Variants in SELENOI observed in about 807,000 individuals in gnomAD.
SELENOI encodes selenoprotein I.
Under a neutral mutation model 50.7 loss-of-function variants are expected in SELENOI, and 24 were observed. The ratio of observed to expected loss-of-function variants is 0.47; its 90% confidence interval spans 0.34 to 0.67. The LOEUF (loss-of-function observed/expected upper bound fraction) is 0.67, where lower values mean the gene tolerates loss of function less well. Among genes scored for constraint, SELENOI ranks in the 30% least tolerant of loss-of-function variants. The pLI, the probability that SELENOI is intolerant of heterozygous loss-of-function variation, is 0.01. For missense variants in SELENOI, 352 were observed against 461.4 expected, an observed-to-expected ratio of 0.76 and a Z score of 2.17; for synonymous variants, 155 against 170.2, an observed-to-expected ratio of 0.91 and a Z score of 0.70.
Position 26,390,815 on chromosome 2 carries a change from C to T in SELENOI, c.*1712C>T, listed in dbSNP as rs1019100068. ...GTCAGAGAATTAACCAATTAAGTGA[C>T]GGTAACTATTTTTTGTATACCTTGT... is the stretch of plus-strand genomic sequence containing the variant. On this transcript the variant is annotated 3_prime_UTR_variant, in exon 10 of 10. Transcript: ENST00000260585. The T allele has an allele frequency of 3.9e-5, 6 of 152,102 alleles. No individual in the cohort carries two copies. The East Asian group carries it at 7.7e-4, about 20-fold the overall frequency. The allele number at this position is 152,102 out of a possible 1,614,324, so 9.4% of individuals were successfully genotyped here.
intron 4 of SELENOI, 58 bp downstream of exon 4, chr2:26,367,278 C>T (rs1677305806): frequency 1.5e-6 from 2 of 1,321,294 alleles, no homozygotes; most frequent in Non-Finnish European, 2.1e-6. Context: ...CAAGGATAGC[C>T]ACGTATTAAA....
chr2:26,383,072 C>T (rs1029283751), intron 6 of SELENOI, among the ~76,000 whole-genome samples: 1 of 152,194 alleles, frequency 6.6e-6, no homozygotes, highest in African/African-American at 2.4e-5. Context: ...CATGGTACAA[C>T]TGAAATTGAG....
At chr2:26,369,045 A>T (rs1677351146) in intron 4 of SELENOI, among the ~76,000 whole-genome samples, 1 of 152,150 alleles carries the variant, frequency 6.6e-6, no homozygotes, top group Admixed American at 6.5e-5. Context: ...CTTAATCTGA[A>T]TTTTTTCAGT....
At chr2:26,383,251 A>G (rs765254601) in intron 6 of SELENOI, 48 bp from the exon 7 acceptor site, 2 of 1,405,472 alleles carry the variant, frequency 1.4e-6, no homozygotes, top group East Asian at 2.5e-5. Context: ...TGGTAATGTA[A>G]TAATTGCTCT....
chr2:26,372,292 G>T (rs1429992879), intron 4 of SELENOI, among the ~76,000 whole-genome samples: 5 of 152,130 alleles, frequency 3.3e-5, no homozygotes, highest in African/African-American at 4.8e-5. Flanking sequence ...TGTATTTTTA[G>T]TAGAGACAGG....
chr2:26,363,587 T>C (rs1018978775), intron 1 of SELENOI, among the ~76,000 whole-genome samples: 1 of 152,200 alleles, frequency 6.6e-6, no homozygotes, highest in Non-Finnish European at 1.5e-5. Context: ...TCTGGTTGTA[T>C]GTGCCAATGA....
chr2:26,373,435 G>A lies in SELENOI; in HGVS notation c.379G>A (p.Gly127Ser). ...STPLGELFDH[G>S]LDSWSCVYFV... is the part of the protein sequence containing the mutation. ...TCCCTTAGGGGAGCTTTTTGATCATGGCCTGGATAGTTGGTCATGTGTTTA... is the reference window on the plus strand; with the variant it reads ...TCCCTTAGGGGAGCTTTTTGATCATAGCCTGGATAGTTGGTCATGTGTTTA... The change falls in exon 5 of 10, where the codon GGC becomes AGC. Residue 127 changes from glycine (G) to serine (S), a missense_variant. Transcript: ENST00000260585. The A allele has an allele frequency of 6.2e-7, 1 of 1,613,560 alleles. No homozygotes were observed. The highest frequency in any genetic ancestry group is 8.5e-7 in the Non-Finnish European group (1 of 1,179,664).
intron 1 of SELENOI, among the ~76,000 whole-genome samples, chr2:26,361,438 T>C (rs1677175182): frequency 1.3e-5 from 2 of 152,214 alleles, no homozygotes; most frequent in African/African-American, 4.8e-5. Flanking sequence ...CAATGTACTG[T>C]TATTACATTT....
intron 1 of SELENOI, among the ~76,000 whole-genome samples, chr2:26,354,990 A>T (rs78178717): frequency 0.011 from 1,707 of 152,272 alleles, 39 homozygotes; most frequent in African/African-American, 0.039. Flanking sequence ...GTTTCCACAT[A>T]CCAGCTGTGT....
intron 1 of SELENOI, among the ~76,000 whole-genome samples, chr2:26,362,840 C>T (rs903749575): frequency 6.6e-6 from 1 of 151,980 alleles, no homozygotes; most frequent in African/African-American, 2.4e-5. Flanking sequence ...AGGTAATCAC[C>T]CAGGTAATAC....
intron 1 of SELENOI, among the ~76,000 whole-genome samples, chr2:26,350,098 C>T (rs1454767464): frequency 2.0e-5 from 3 of 148,188 alleles, no homozygotes; most frequent in Non-Finnish European, 4.4e-5. Context: ...CAGAGAAAGA[C>T]CCTGACTCAA....
At chr2:26,367,950 G>T (rs1204580022) in intron 4 of SELENOI, among the ~76,000 whole-genome samples, 1 of 152,132 alleles carries the variant, frequency 6.6e-6, no homozygotes, top group African/African-American at 2.4e-5. Flanking sequence ...CTGCTTGTTT[G>T]TTATCTCTCT....
At chr2:26,348,962 T>C (rs914078483) in intron 1 of SELENOI, among the ~76,000 whole-genome samples, 3 of 149,272 alleles carry the variant, frequency 2.0e-5, no homozygotes, top group Middle Eastern at 3.2e-3. Context: ...TTCAGCCTTA[T>C]TTTTGCCTCT....
At chr2:26,369,451 C>T (rs193262355) in intron 4 of SELENOI, among the ~76,000 whole-genome samples, 1 of 152,336 alleles carries the variant, frequency 6.6e-6, no homozygotes, top group African/African-American at 2.4e-5. Flanking sequence ...CTACCACTAT[C>T]TTCGTTACCC....
At chr2:26,371,204 C>T (rs1024666950) in intron 4 of SELENOI, among the ~76,000 whole-genome samples, 8 of 151,364 alleles carry the variant, frequency 5.3e-5, no homozygotes, top group Admixed American at 4.6e-4. Context: ...GGCGGAGATG[C>T]TCCTCACTTC....
In SELENOI at chr2:26,364,376, ATAAT is replaced by A. The variant is rs751317317; in HGVS notation, c.126+11_126+14del. ...TCTGGAACACTATAGTAAAGGTAAG[ATAAT>A]TAATATGTATGTACTTTTTGTTTTA... On this transcript the variant is annotated splice_region_variant and intron_variant, in intron 2 of 9. Coordinates refer to ENST00000260585, the MANE Select transcript of SELENOI (RefSeq NM_033505.4). 11 of 1,518,100 alleles carry A rather than the reference ATAAT, an allele frequency of 7.2e-6. No homozygotes were observed. The African/African-American group carries it at 8.3e-5, about 11-fold the overall frequency. The allele number at this position is 1,518,100 out of a possible 1,614,324, so 94.0% of individuals were successfully genotyped here.
intron 8 of SELENOI, 107 bp downstream of exon 8, chr2:26,385,246 G>A: frequency 1.5e-6 from 1 of 679,678 alleles, no homozygotes; most frequent in Non-Finnish European, 2.1e-6. Context: ...TTAACTTAAA[G>A]ATTTTTATTT....
chr2:26,355,516 A>G (rs1021315047), intron 1 of SELENOI, among the ~76,000 whole-genome samples: 1 of 152,200 alleles, frequency 6.6e-6, no homozygotes, highest in Non-Finnish European at 1.5e-5. Context: ...TCCTTTTGCC[A>G]TATCTTCTCA....
At chr2:26,369,454 C>A (rs1168041306) in intron 4 of SELENOI, among the ~76,000 whole-genome samples, 2 of 152,184 alleles carry the variant, frequency 1.3e-5, no homozygotes, top group Non-Finnish European at 2.9e-5. Context: ...CCACTATCTT[C>A]GTTACCCAGA....
Sources: gnomAD v4.1 joint callset for allele counts (sites outside exome capture counted in the v4.1 genomes callset) on GRCh38, gnomAD v4.1.1 for gene constraint, MANE v1.5 for transcripts, NCBI Gene and HGNC (gene_info 2026-07-23, HGNC 2026-07-21) for gene names.